SLC26A7: variants seen among roughly 807,000 people sequenced by gnomAD.
The protein encoded by SLC26A7 is solute carrier family 26 member 7.
Under a neutral mutation model 82.5 loss-of-function variants are expected in SLC26A7, and 59 were observed. The ratio of observed to expected loss-of-function variants is 0.72; its 90% CI spans 0.58 to 0.89. SLC26A7 has a LOEUF of 0.89. SLC26A7 is among the 40% of genes least tolerant of loss of function. The pLI, the probability that SLC26A7 is intolerant of heterozygous loss-of-function variation, is 0.00. For synonymous variants in SLC26A7, 271 were observed against 274.3 expected (o/e 0.99, Z 0.12); for missense variants, 820 against 793.0 (o/e 1.03, Z -0.41).
intron 8 of SLC26A7, 135 bp downstream of exon 8, chr8:91,340,686 A>G (rs928650230): frequency 9.8e-7 from 1 of 1,022,296 alleles, no homozygotes; most frequent in African/African-American, 1.6e-5. Context: ...ACAAAAAAAA[A>G]GAAAAATATC....
chr8:91,228,209 T>C (rs751620696), intron 2 of SLC26A7, among the ~76,000 whole-genome samples: 14 of 152,230 alleles, frequency 9.2e-5, no homozygotes, highest in Non-Finnish European at 1.9e-4. Context: ...ATGGGAGACA[T>C]GTGCCTTGTT....
intron 1 of SLC26A7, 38 bp from the exon 2 acceptor site, chr8:91,249,501 C>T (rs960618256): frequency 3.3e-5 from 16 of 485,480 alleles, no homozygotes; most frequent in Non-Finnish European, 2.4e-5. Context: ...GTTAATCTCT[C>T]TCTCTCTCTC....
At chr8:91,361,640 A>G (rs982861318) in intron 11 of SLC26A7, among the ~76,000 whole-genome samples, 6 of 152,256 alleles carry the variant, frequency 3.9e-5, no homozygotes, top group African/African-American at 1.2e-4. Flanking sequence ...AACGCCAACT[A>G]TAATACAATA....
chr8:91,366,688 T>C lies in SLC26A7; in HGVS notation c.1597T>C (p.Cys533Arg), dbSNP rs370346859. The stretch of plus-strand genomic sequence containing the variant: ...GAACATGATCCAAAAGGAAAATGCC[T>C]GTAATCAGCCACTTGATGATATCAG... ...LMNMIQKENACNQPLDDISKC... is the reference protein window; with the variant it reads ...LMNMIQKENARNQPLDDISKC... The change falls in exon 14 of 19, where the codon TGT becomes CGT. Residue 533 changes from cysteine to arginine, a missense_variant. Coordinates refer to ENST00000276609, the MANE Select transcript of SLC26A7 (RefSeq NM_052832.4). 1.2e-6 allele frequency: 2 copies of C among 1,613,042 alleles called. No individual in the cohort carries two copies. The highest frequency in any genetic ancestry group is 1.7e-6 in the Non-Finnish European group (2 of 1,179,716).
At chr8:91,212,066 G>A (rs1265241150) in intron 1 of SLC26A7, among the ~76,000 whole-genome samples, 2 of 151,964 alleles carry the variant, frequency 1.3e-5, no homozygotes, top group Non-Finnish European at 2.9e-5. Context: ...CTATAGTTCT[G>A]CCATCAAAGT....
In SLC26A7 at chr8:91,275,891, T is replaced by C. The variant is rs192446220; in HGVS notation, c.194-13245T>C. Among the ~76,000 whole-genome samples, 4 of 152,262 alleles carry C rather than the reference T, an allele frequency of 2.6e-5. No individual in the cohort carries two copies. In the East Asian group the frequency reaches 5.8e-4, roughly 22 times the overall value. On this transcript the variant is annotated intron_variant, in intron 2 of 18. Transcript: ENST00000276609. ...GAGTCAGGGATTAGCGTTGTGTGCC[T>C]TTTCCCTTGCTTGGTATTTCCACAT...
At chr8:91,253,905 C>T (rs1810729786) in intron 2 of SLC26A7, among the ~76,000 whole-genome samples, 2 of 151,958 alleles carry the variant, frequency 1.3e-5, no homozygotes, top group Admixed American at 6.6e-5. Flanking sequence ...ATTCTAGAAG[C>T]CAACAATTGT....
chr8:91,249,878 C>T, intron 2 of SLC26A7, 34 bp downstream of exon 2: 1 of 1,484,638 alleles, frequency 6.7e-7, no homozygotes, highest in Non-Finnish European at 9.0e-7. Flanking sequence ...CTGTATTATG[C>T]AGAGTAGATG....
chr8:91,295,443 C>A, intron 3 of SLC26A7, 88 bp from the exon 4 acceptor site: 1 of 1,455,412 alleles, frequency 6.9e-7, no homozygotes. Context: ...TTTGGTTTCA[C>A]AATGTAGCTT....
chr8:91,259,873 C>T (rs1282951817), intron 2 of SLC26A7, among the ~76,000 whole-genome samples: 1 of 152,068 alleles, frequency 6.6e-6, no homozygotes, highest in African/African-American at 2.4e-5. Context: ...ATCAGAATCT[C>T]TGGATAATTT....
rs370163681 is a variant in SLC26A7, at chr8:91,223,500, A to G, written c.-34+4495A>G. On this transcript the variant is annotated intron_variant, in intron 2 of 5. Transcript: ENST00000522862. ...TAAATTTCCCTCTTAACACTGCTTT[A>G]GCTGTGTCCCAGAGATTCTGGTACA... Among the ~76,000 whole-genome samples the G allele has an allele frequency of 1.1e-4, 17 of 152,246 alleles. 1 individual carries two copies. Among genetic ancestry groups the G allele is most frequent in the Admixed American group, 7.8e-4 (12 of 15,296 alleles).
At chr8:91,356,704 CT>C (rs1212889075) in intron 11 of SLC26A7, among the ~76,000 whole-genome samples, 4 of 152,142 alleles carry the variant, frequency 2.6e-5, no homozygotes, top group Non-Finnish European at 5.9e-5. Flanking sequence ...ATGGTAGTTT[CT>C]TTTGCTGTGC....
intron 15 of SLC26A7, among the ~76,000 whole-genome samples, chr8:91,371,379 TCTC>T (rs1241846333): frequency 1.3e-5 from 2 of 151,828 alleles, no homozygotes; most frequent in African/African-American, 4.8e-5. Flanking sequence ...TTTTCAACTT[TCTC>T]CTCATTTCCT....
At chr8:91,233,327 G>A (rs772686940) in intron 2 of SLC26A7, among the ~76,000 whole-genome samples, 16 of 152,246 alleles carry the variant, frequency 1.1e-4, no homozygotes, top group African/African-American at 1.4e-4. Context: ...AGCACTTTGG[G>A]AGGCCGAGGC....
chr8:91,254,607 T>C (rs1337757856), intron 2 of SLC26A7, among the ~76,000 whole-genome samples: 1 of 152,086 alleles, frequency 6.6e-6, no homozygotes, highest in East Asian at 1.9e-4. Flanking sequence ...GTCCAGCAGC[T>C]TTATTAGACT....
At chr8:91,334,808 C>A (rs1231609812) in intron 6 of SLC26A7, among the ~76,000 whole-genome samples, 1 of 152,026 alleles carries the variant, frequency 6.6e-6, no homozygotes, top group African/African-American at 2.4e-5. Context: ...GGTATCATTT[C>A]CTATTTATAT....
intron 14 of SLC26A7, 100 bp from the exon 15 acceptor site, chr8:91,369,685 T>A (rs1164275343): frequency 1.2e-6 from 1 of 855,816 alleles, no homozygotes; most frequent in East Asian, 2.9e-5. Flanking sequence ...GGAGATGAGT[T>A]TTTTTGTTAT....
intron 9 of SLC26A7, 78 bp downstream of exon 9, chr8:91,343,544 C>A: frequency 1.1e-6 from 1 of 934,304 alleles, no homozygotes; most frequent in Non-Finnish European, 1.6e-6. Flanking sequence ...GAGCTAGCTT[C>A]TCTTTAAAGC....
intron 11 of SLC26A7, among the ~76,000 whole-genome samples, chr8:91,358,896 A>G (rs1298162398): frequency 6.6e-6 from 1 of 152,156 alleles, no homozygotes. Flanking sequence ...ACACTCGGAC[A>G]CAGGAAGCGG....
Sources: allele counts gnomAD v4.1 joint callset (sites outside exome capture counted in the v4.1 genomes callset), GRCh38; gene constraint gnomAD v4.1.1; transcripts MANE v1.5; gene names NCBI Gene and HGNC (gene_info 2026-07-23, HGNC 2026-07-21).